The following SND1 variants were observed in gnomAD, a reference collection of about 807,000 sequenced individuals.
The protein encoded by SND1 is staphylococcal nuclease domain-containing protein 1.
SND1 carries 38 observed loss-of-function variants against 121.7 expected under a neutral mutation model. That is an observed-to-expected ratio of 0.31 (90% CI 0.24 to 0.41). SND1 has a LOEUF of 0.41. Among genes scored for constraint, SND1 ranks in the 10% least tolerant of loss-of-function variants. The probability of loss-of-function intolerance (pLI) is 1.00; values close to 1 mark genes in which losing one functional copy is unlikely to be tolerated. For synonymous variants in SND1, 401 were observed against 447.4 expected (o/e 0.90, Z 1.31); for missense variants, 868 against 1,184.6 (o/e 0.73, Z 3.92).
intron 1 of SND1, among the ~76,000 whole-genome samples, chr7:127,669,199 G>T (rs1043521709): frequency 2.6e-5 from 4 of 152,272 alleles, no homozygotes; most frequent in Middle Eastern, 6.8e-3. Flanking sequence ...CACCAGGTTG[G>T]CCAGGCTGGT....
At position 128,085,701 on chromosome 7, in the gene SND1, G is replaced by A. The variant is rs977753414; in HGVS notation, c.2235-10G>A. 6.2e-7 allele frequency: 1 copy of A among 1,613,854 alleles called. No homozygotes were observed. Among genetic ancestry groups the A allele is most frequent in the Non-Finnish European group, 8.5e-7 (1 of 1,179,810 alleles). ...CTGTCTCTTGAGCTCTGCCCATGATGCCATTGCAGGTACCGTGCCCGAGTA... is the reference window on the plus strand; with the variant it reads ...CTGTCTCTTGAGCTCTGCCCATGATACCATTGCAGGTACCGTGCCCGAGTA... On this transcript the variant is annotated splice_polypyrimidine_tract_variant and intron_variant, in intron 19 of 23. Coordinates refer to ENST00000354725, the MANE Select transcript of SND1 (RefSeq NM_014390.4). This position sits in a 1 kb window ranked among gnomAD's most constrained non-coding sequence, Gnocchi z 4.4.
At chr7:127,967,313 C>G (rs1424359187) in intron 15 of SND1, among the ~76,000 whole-genome samples, 2 of 152,170 alleles carry the variant, frequency 1.3e-5, no homozygotes, top group Non-Finnish European at 2.9e-5. Context: ...CTCATGCCAC[C>G]TTGATGCTTC....
Position 127,652,336 on chromosome 7 carries a change from G to C in SND1, c.-38G>C. 1 of 1,553,164 alleles carries C rather than the reference G, an allele frequency of 6.4e-7. No homozygotes were observed. Among genetic ancestry groups the C allele is most frequent in the Non-Finnish European group, 8.7e-7 (1 of 1,143,464 alleles). On this transcript the variant is annotated 5_prime_UTR_variant, in exon 1 of 24. Transcript: ENST00000354725. ...ACACCCACATTGACACCTCCAGTCC[G>C]GCCAGCCGCTCCACTCGTTGCCTTT...
At chr7:128,025,895 T>C (rs1197458014) in intron 16 of SND1, among the ~76,000 whole-genome samples, 2 of 152,246 alleles carry the variant, frequency 1.3e-5, no homozygotes, top group African/African-American at 2.4e-5. Flanking sequence ...CATTTGTCCA[T>C]AGGACTCTTT....
chr7:127,693,407 C>A (rs575895677), intron 2 of SND1, among the ~76,000 whole-genome samples: 1 of 152,092 alleles, frequency 6.6e-6, no homozygotes, highest in Non-Finnish European at 1.5e-5. Flanking sequence ...CTTTAAGAAC[C>A]CTTACTGAGG....
chr7:127,817,719 T>C (rs571550511), intron 11 of SND1, among the ~76,000 whole-genome samples: 1 of 140,318 alleles, frequency 7.1e-6, no homozygotes, highest in African/African-American at 2.6e-5. Context: ...CTTTCCTTCA[T>C]ACTTTTTTTT....
chr7:127,985,869 G>A (rs960532846), intron 15 of SND1, among the ~76,000 whole-genome samples: 1 of 152,226 alleles, frequency 6.6e-6, no homozygotes, highest in African/African-American at 2.4e-5. Context: ...GATGTCTGAT[G>A]CAGTAGTGAG....
intron 17 of SND1, among the ~76,000 whole-genome samples, chr7:128,077,477 A>G (rs1793525681): frequency 6.6e-6 from 1 of 152,186 alleles, no homozygotes; most frequent in South Asian, 2.1e-4. Flanking sequence ...CAAGACAGGA[A>G]CTTGCATGGC....
At chr7:127,797,093 A>C (rs1230087691) in intron 10 of SND1, among the ~76,000 whole-genome samples, 1 of 152,042 alleles carries the variant, frequency 6.6e-6, no homozygotes, top group Non-Finnish European at 1.5e-5. Context: ...GGGTTTCACC[A>C]TGCTGGTCAG....
At chr7:127,985,197 C>T (rs3757762) in intron 15 of SND1, among the ~76,000 whole-genome samples, 1 of 152,096 alleles carries the variant, frequency 6.6e-6, no homozygotes, top group African/African-American at 2.4e-5. Flanking sequence ...CATAGCTGCC[C>T]GAGGCTGTCT....
intron 15 of SND1, among the ~76,000 whole-genome samples, chr7:127,987,198 C>T (rs886718216): frequency 5.3e-5 from 8 of 152,194 alleles, no homozygotes; most frequent in Non-Finnish European, 8.8e-5. Context: ...GGCTTGGGAG[C>T]GCTCCATTGC....
chr7:127,697,122 A>T (rs917538798), intron 3 of SND1, among the ~76,000 whole-genome samples: 1 of 152,150 alleles, frequency 6.6e-6, no homozygotes, highest in African/African-American at 2.4e-5. Flanking sequence ...TATTGAAGAG[A>T]TGATTAGTTT....
At chr7:127,799,117 T>C (rs1226563691) in intron 10 of SND1, among the ~76,000 whole-genome samples, 12 of 152,144 alleles carry the variant, frequency 7.9e-5, no homozygotes, top group Admixed American at 7.8e-4. Context: ...GGTGTGGGCT[T>C]GGTAGTCTGC....
chr7:128,074,816 C>T (rs1479116377), intron 17 of SND1, 126 bp downstream of exon 17: 2 of 933,384 alleles, frequency 2.1e-6, no homozygotes, highest in African/African-American at 1.6e-5. Flanking sequence ...AGGTGTTGGT[C>T]TCAGACCCCA....
chr7:127,686,589 T>A (rs1419997713), intron 1 of SND1, 24 bp from the exon 2 acceptor site: 1 of 1,608,074 alleles, frequency 6.2e-7, no homozygotes, highest in South Asian at 1.1e-5. Flanking sequence ...GACCATTCAT[T>A]TTCTCTTTCT....
rs1486791235 is a variant in SND1 at position 128,029,435 on chromosome 7, A to G, written c.1779+38379A>G. ...AGTTCAAGGTGCCGTCGTTGAGGAC[A>G]GAGATCCTTGGGTGGCGGGAGGCGT... is the stretch of plus-strand genomic sequence containing the variant. On this transcript the variant is annotated intron_variant, in intron 16 of 23. Coordinates refer to ENST00000354725, the MANE Select transcript of SND1 (RefSeq NM_014390.4). This position sits in a 1 kb window ranked among gnomAD's most constrained non-coding sequence, Gnocchi z 4.2. 4.3e-6 allele frequency: 7 copies of G among 1,613,990 alleles called. No individual in the cohort carries two copies. The highest frequency in any genetic ancestry group is 1.3e-5 in the African/African-American group (1 of 74,920).
intron 10 of SND1, among the ~76,000 whole-genome samples, chr7:127,778,032 T>C (rs1038540239): frequency 2.6e-5 from 4 of 152,174 alleles, no homozygotes; most frequent in Admixed American, 6.5e-5. Context: ...TCTTCACAGC[T>C]ACACTGGTTC....
At chr7:127,665,686 G>A (rs563206860) in intron 1 of SND1, among the ~76,000 whole-genome samples, 2 of 152,156 alleles carry the variant, frequency 1.3e-5, no homozygotes, top group East Asian at 1.9e-4. Flanking sequence ...GGGAAGGAGC[G>A]ATTTAGAGGT....
chr7:127,966,578 C>T (rs1256165358), intron 15 of SND1, among the ~76,000 whole-genome samples: 3 of 76,376 alleles, frequency 3.9e-5, no homozygotes, highest in Non-Finnish European at 7.3e-5. Flanking sequence ...TACATGGAAA[C>T]TGAACAACCT....
Sources: gnomAD v4.1 joint callset for allele counts (sites outside exome capture counted in the v4.1 genomes callset) on GRCh38, gnomAD v4.1.1 for gene constraint, Gnocchi (gnomAD v3.1) non-coding constraint, MANE v1.5 for transcripts, NCBI Gene and HGNC (gene_info 2026-07-23, HGNC 2026-07-21) for gene names.